Variants in HAAO observed in about 807,000 individuals in gnomAD.
HAAO encodes 3-hydroxyanthranilate oxygenase.
In HAAO, 49 loss-of-function variants were observed where a neutral mutation model predicts 46.2. The ratio of observed to expected loss-of-function variants is 1.06; its 90% CI spans 0.84 to 1.34. HAAO has a LOEUF of 1.34. Among genes scored for constraint, HAAO ranks in the 40% most tolerant of loss-of-function variants. HAAO has a pLI of 0.00. For missense variants in HAAO, 408 were observed against 364.5 expected (o/e 1.12, Z -0.97); for synonymous variants, 157 against 145.2 (o/e 1.08, Z -0.58).
At chr2:42,781,346 C>T (rs1450023978) in intron 4 of HAAO, among the ~76,000 whole-genome samples, 2 of 152,160 alleles carry the variant, frequency 1.3e-5, no homozygotes, top group Admixed American at 6.5e-5. Context: ...TTTAGGGAAA[C>T]TGGCCTCATA....
chr2:42,767,151 C>T lies in HAAO; in HGVS notation c.*286G>A. 1 of 545,144 alleles carries T rather than the reference C, an allele frequency of 1.8e-6. No individual in the cohort carries two copies. The highest frequency in any genetic ancestry group is 3.3e-6 in the Non-Finnish European group (1 of 300,596). The allele number at this position is 545,144 out of a possible 1,614,324, so 33.8% of individuals were successfully genotyped here. On this transcript the variant is annotated 3_prime_UTR_variant, in exon 10 of 10. Coordinates refer to ENST00000294973, the MANE Select transcript of HAAO (RefSeq NM_012205.3). ...GTGTGGAAGTGCTGCACTGAGTCTG[C>T]AGGGACAGAGGAATGGGCAGGAGCG...
At position 42,767,239 on chromosome 2, in the gene HAAO, T is replaced by C. The variant is rs901398836; in HGVS notation, c.*198A>G. On this transcript the variant is annotated 3_prime_UTR_variant, in exon 10 of 10. Transcript: ENST00000294973. Reference sequence around the variant, plus strand: ...AGTGGGCTGAGTCTGCCAGAGAAGATGGGGAGCTGCTGCCCGCCCAGGGGC... The same window carrying C: ...AGTGGGCTGAGTCTGCCAGAGAAGACGGGGAGCTGCTGCCCGCCCAGGGGC... 9.8e-6 allele frequency: 6 copies of C among 612,320 alleles called. No homozygotes were observed. The highest frequency in any genetic ancestry group is 3.7e-5 in the South Asian group (2 of 54,238). 37.9% of individuals were successfully genotyped at this position (612,320 alleles called of 1,614,324 possible). A position where few individuals can be genotyped will look rare whatever the true frequency, so the allele number is the denominator to read the frequency against.
chr2:42,776,278 T>G (rs923332760), intron 4 of HAAO, among the ~76,000 whole-genome samples: 2 of 149,056 alleles, frequency 1.3e-5, no homozygotes, highest in African/African-American at 5.0e-5. Flanking sequence ...TCACTCTTGT[T>G]GCCCAGGCTG....
chr2:42,779,414 CG>C, intron 4 of HAAO, among the ~76,000 whole-genome samples: 1 of 151,922 alleles, frequency 6.6e-6, no homozygotes, highest in Non-Finnish European at 1.5e-5. Flanking sequence ...CTCCGCCTCC[CG>C]GGTTCAAGCA....
intron 4 of HAAO, among the ~76,000 whole-genome samples, chr2:42,782,184 G>T (rs1364174199): frequency 9.2e-5 from 14 of 152,116 alleles, no homozygotes; most frequent in Non-Finnish European, 1.0e-4. Context: ...ACTGAAAGCT[G>T]AGCTGTGCTT....
At chr2:42,786,903 G>A (rs753346350) in intron 2 of HAAO, among the ~76,000 whole-genome samples, 3 of 152,118 alleles carry the variant, frequency 2.0e-5, no homozygotes, top group East Asian at 1.9e-4. Context: ...GGAGGAGCCC[G>A]GACCCTGAGT....
chr2:42,790,079 GAGGTCTGAGCCCCCAAA>G (rs987867698), intron 1 of HAAO, among the ~76,000 whole-genome samples: 2 of 152,154 alleles, frequency 1.3e-5, no homozygotes, highest in African/African-American at 4.8e-5. Flanking sequence ...GGCTATGGGG[GAGGTCTGAGCCCCCAAA>G]CTAGACTGGC....
chr2:42,767,633 C>T lies in HAAO; in HGVS notation c.744G>A (p.Leu248=). 1 of 1,571,248 alleles carries T rather than the reference C, an allele frequency of 6.4e-7. No individual in the cohort carries two copies. Among genetic ancestry groups the T allele is most frequent in the Non-Finnish European group, 8.6e-7 (1 of 1,157,460 alleles). Residue 248 remains leucine, a synonymous_variant, in exon 9 of 10, where the codon CTG becomes CTA. Transcript: ENST00000294973. ...VVTMGGRRLS[L]APDDSLLVLA... ...GCACCAGGAGGCTGTCATCAGGGGC[C>T]AGGCTCAGGCGCCGTCCCCCCATTG... is the stretch of plus-strand genomic sequence containing the variant.
At chr2:42,774,351 G>A (rs992968122) in intron 4 of HAAO, among the ~76,000 whole-genome samples, 1 of 152,192 alleles carries the variant, frequency 6.6e-6, no homozygotes, top group African/African-American at 2.4e-5. Context: ...AAGGGTGCTT[G>A]GTACCCGCGT....
At chr2:42,774,081 G>A (rs1671359331) in intron 4 of HAAO, among the ~76,000 whole-genome samples, 1 of 152,172 alleles carries the variant, frequency 6.6e-6, no homozygotes, top group Non-Finnish European at 1.5e-5. Flanking sequence ...TGCCTTTCCA[G>A]ACTGAACCAA....
At position 42,770,130 on chromosome 2, in the gene HAAO, C is replaced by G; in HGVS notation, c.484+13G>C. ...AGGGAGGGAAGGAGAAGGGCAGTTC[C>G]CAGCGGCCTCACCAGGGATGGGCTT... On this transcript the variant is annotated intron_variant, in intron 6 of 9. Transcript: ENST00000294973. The G allele has an allele frequency of 6.2e-7, 1 of 1,602,940 alleles. No homozygotes were observed. The highest frequency in any genetic ancestry group is 1.1e-5 in the South Asian group (1 of 89,454).
intron 4 of HAAO, among the ~76,000 whole-genome samples, chr2:42,780,333 G>C (rs1029283761): frequency 2.0e-5 from 3 of 151,692 alleles, no homozygotes; most frequent in Non-Finnish European, 4.4e-5. Context: ...TCAGCCTCCT[G>C]AGTAGCTCAG....
intron 7 of HAAO, 59 bp downstream of exon 7, chr2:42,769,654 G>T (rs1670952344): frequency 2.7e-6 from 4 of 1,463,294 alleles, no homozygotes; most frequent in Non-Finnish European, 3.7e-6. Flanking sequence ...AGAGAGACTG[G>T]TTCCCATTTT....
At chr2:42,782,184 G>A (rs1364174199) in intron 4 of HAAO, among the ~76,000 whole-genome samples, 1 of 152,116 alleles carries the variant, frequency 6.6e-6, no homozygotes, top group African/African-American at 2.4e-5. Context: ...ACTGAAAGCT[G>A]AGCTGTGCTT....
At chr2:42,767,723 A>C (rs771507853) in intron 8 of HAAO, 46 bp from the exon 9 acceptor site, 1 of 1,550,706 alleles carries the variant, frequency 6.4e-7, no homozygotes, top group Non-Finnish European at 8.9e-7. Flanking sequence ...GTTGGGCCTC[A>C]TCACCTGGGT....
rs1391013563 is a variant in HAAO, at chr2:42,767,142, C to T, written c.*295G>A. Reference sequence around the variant, plus strand: ...GCCTTCTTGGTGTGGAAGTGCTGCACTGAGTCTGCAGGGACAGAGGAATGG... The same window carrying T: ...GCCTTCTTGGTGTGGAAGTGCTGCATTGAGTCTGCAGGGACAGAGGAATGG... On this transcript the variant is annotated 3_prime_UTR_variant, in exon 10 of 10. Transcript: ENST00000294973. 1 of 529,914 alleles carries T rather than the reference C, an allele frequency of 1.9e-6. No homozygotes were observed. Among genetic ancestry groups the T allele is most frequent in the Non-Finnish European group, 3.4e-6 (1 of 291,116 alleles). The allele number at this position is 529,914 out of a possible 1,614,324, so 32.8% of individuals were successfully genotyped here. A position where few individuals can be genotyped will look rare whatever the true frequency, so the allele number is the denominator to read the frequency against.
chr2:42,788,660 A>G, intron 1 of HAAO, 53 bp from the exon 2 acceptor site: 1 of 1,153,692 alleles, frequency 8.7e-7, no homozygotes, highest in Non-Finnish European at 1.3e-6. Flanking sequence ...AGGAGTGAAG[A>G]GAGCACGGGT....
intron 4 of HAAO, among the ~76,000 whole-genome samples, chr2:42,773,576 AC>A (rs1350539425): frequency 6.9e-6 from 1 of 144,678 alleles, no homozygotes; most frequent in Non-Finnish European, 1.5e-5. Context: ...GGGCAAACCT[AC>A]CCCCTATTTT....
At position 42,792,496 on chromosome 2, in the gene HAAO, T is replaced by G. The variant is rs1245249111; in HGVS notation, c.41A>C (p.Asn14Thr). The G allele has an allele frequency of 2.5e-6, 4 of 1,594,308 alleles. No homozygotes were observed. Among genetic ancestry groups the G allele is most frequent in the South Asian group, 1.1e-5 (1 of 89,120 alleles). The change falls in exon 1 of 10, where the codon AAC (asparagine) becomes ACC (threonine). Residue 14 changes from asparagine (N) to threonine (T), a missense_variant. Transcript: ENST00000294973. ...RLGVRAWVKE[N>T]RGSFQPPVCN... is the part of the protein sequence containing the mutation. ...GACCGGGGGCTGGAAGGAGCCCCGGTTCTCCTTCACCCAGGCCCTCACTCC... is the reference window on the plus strand; with the variant it reads ...GACCGGGGGCTGGAAGGAGCCCCGGGTCTCCTTCACCCAGGCCCTCACTCC...
Sources: gnomAD v4.1 joint callset for allele counts (sites outside exome capture counted in the v4.1 genomes callset) on GRCh38, gnomAD v4.1.1 for gene constraint, MANE v1.5 for transcripts, NCBI Gene and HGNC (gene_info 2026-07-23, HGNC 2026-07-21) for gene names.